Variants in ARHGEF26 observed in about 807,000 individuals in gnomAD.
ARHGEF26 encodes the protein Rho guanine nucleotide exchange factor (GEF) 26.
In ARHGEF26, 59 loss-of-function variants were observed where a neutral mutation model predicts 89.4. The ratio of observed to expected loss-of-function variants is 0.66; its 90% CI spans 0.54 to 0.82. The LOEUF is 0.82. Ranked by LOEUF, ARHGEF26 falls within the 40% of genes least tolerant of loss-of-function variation. The pLI is 0.00. For missense variants in ARHGEF26, 1,234 were observed against 1,085.6 expected (o/e 1.14, Z -1.92); for synonymous variants, 500 against 428.4 (o/e 1.17, Z -2.06).
intron 9 of ARHGEF26, among the ~76,000 whole-genome samples, chr3:154,213,842 G>A (rs1225480755): frequency 6.6e-6 from 1 of 152,130 alleles, no homozygotes; most frequent in Non-Finnish European, 1.5e-5. Flanking sequence ...AATAGGCTCT[G>A]AAGGTGGTTT....
At chr3:154,170,316 T>C (rs921366727) in intron 6 of ARHGEF26, among the ~76,000 whole-genome samples, 3 of 152,138 alleles carry the variant, frequency 2.0e-5, no homozygotes, top group Admixed American at 6.5e-5. Flanking sequence ...TGAGCTATGA[T>C]TGTGCCACTG....
chr3:154,257,644 G>C lies in ARHGEF26; in HGVS notation c.*2171G>C, dbSNP rs1283744910. ...TTTAACACATTCACAGTGTTTGTTTGATTTCAACTGTGAATTGTCTTAAGT... is the reference window on the plus strand; with the variant it reads ...TTTAACACATTCACAGTGTTTGTTTCATTTCAACTGTGAATTGTCTTAAGT... On this transcript the variant is annotated 3_prime_UTR_variant, in exon 15 of 15. Transcript: ENST00000465093. The C allele has an allele frequency of 7.9e-6, 1 of 126,842 alleles. No individual in the cohort carries two copies. Among genetic ancestry groups the C allele is most frequent in the Admixed American group, 8.7e-5 (1 of 11,560 alleles). 7.9% of individuals were successfully genotyped at this position (126,842 alleles called of 1,614,324 possible).
At position 154,146,697 on chromosome 3, in the gene ARHGEF26, T is replaced by C. The variant is rs1467392737; in HGVS notation, c.1270-2692T>C. Among the ~76,000 whole-genome samples, 24 of 152,354 alleles carry C rather than the reference T, an allele frequency of 1.6e-4. 1 individual carries two copies. The highest frequency in any genetic ancestry group is 1.6e-3 in the Admixed American group (24 of 15,312). ...TTATAACATTAGCAAGTTCTATGCA[T>C]TCACTATCTTAATAAGGCACAGATG... On this transcript the variant is annotated intron_variant, in intron 4 of 14. Coordinates refer to ENST00000465093, the MANE Select transcript of ARHGEF26 (RefSeq NM_015595.4).
intron 12 of ARHGEF26, among the ~76,000 whole-genome samples, chr3:154,248,250 A>C (rs1453594075): frequency 3.9e-5 from 6 of 152,224 alleles, no homozygotes; most frequent in African/African-American, 1.4e-4. Flanking sequence ...AGCTAGAAGC[A>C]TAATGAATGT....
At chr3:154,252,598 A>G (rs896358525) in intron 12 of ARHGEF26, among the ~76,000 whole-genome samples, 2 of 152,236 alleles carry the variant, frequency 1.3e-5, no homozygotes, top group African/African-American at 4.8e-5. Context: ...AAAGTGGCCA[A>G]AGAATTTCTA....
chr3:154,192,880 A>G (rs929975317), intron 8 of ARHGEF26, among the ~76,000 whole-genome samples: 6 of 152,226 alleles, frequency 3.9e-5, no homozygotes, highest in Non-Finnish European at 4.4e-5. Flanking sequence ...CATTTTAAAC[A>G]TGTTTTCCAG....
intron 1 of ARHGEF26, 29 bp from the exon 2 acceptor site, chr3:154,121,913 C>A: frequency 1.3e-6 from 2 of 1,501,284 alleles, no homozygotes; most frequent in African/African-American, 2.8e-5. Flanking sequence ...TGTCCAGAGG[C>A]ACAGTTTCCT....
chr3:154,165,278 T>G (rs1158138122), intron 6 of ARHGEF26, among the ~76,000 whole-genome samples: 1 of 152,146 alleles, frequency 6.6e-6, no homozygotes, highest in Non-Finnish European at 1.5e-5. Flanking sequence ...CTTTTGTGAT[T>G]GTAATATAAT....
chr3:154,150,836 A>G (rs898739105), intron 5 of ARHGEF26, among the ~76,000 whole-genome samples: 5 of 152,156 alleles, frequency 3.3e-5, no homozygotes, highest in Non-Finnish European at 5.9e-5. Flanking sequence ...TTCTATTCCT[A>G]TATAGCAATT....
At chr3:154,183,308 G>A (rs1713297612) in intron 6 of ARHGEF26, among the ~76,000 whole-genome samples, 1 of 152,102 alleles carries the variant, frequency 6.6e-6, no homozygotes, top group African/African-American at 2.4e-5. Context: ...GGAAAAAAAA[G>A]ATAAAGGTTG....
chr3:154,217,841 A>T, intron 9 of ARHGEF26, 28 bp from the exon 10 acceptor site: 1 of 1,554,004 alleles, frequency 6.4e-7, no homozygotes, highest in South Asian at 1.2e-5. Context: ...CTTGACCTTT[A>T]ACCCTCGTTA....
chr3:154,152,711 A>AGC, intron 5 of ARHGEF26, 61 bp from the exon 6 acceptor site: 3 of 1,242,024 alleles, frequency 2.4e-6, no homozygotes, highest in Non-Finnish European at 3.2e-6. Flanking sequence ...AAATTATGAG[A>AGC]GCTATATTTA....
In ARHGEF26 at chr3:154,236,964, G is replaced by A. The variant is rs183122671; in HGVS notation, c.2091-3406G>A. On this transcript the variant is annotated intron_variant, in intron 11 of 14. Coordinates refer to ENST00000465093, the MANE Select transcript of ARHGEF26 (RefSeq NM_015595.4). ...TTTGTTTTGGACCCAGAAGTCCAGT[G>A]GGCCAAGTTCCTTGTTCAGGCATAT... Among the ~76,000 whole-genome samples the A allele has an allele frequency of 2.4e-3, 368 of 152,270 alleles. 2 individuals are homozygous for A. Among genetic ancestry groups the A allele is most frequent in the Non-Finnish European group, 4.1e-3 (279 of 68,026 alleles).
At chr3:154,243,454 G>A (rs1717596623) in intron 12 of ARHGEF26, among the ~76,000 whole-genome samples, 1 of 152,192 alleles carries the variant, frequency 6.6e-6, no homozygotes, top group Non-Finnish European at 1.5e-5. Flanking sequence ...AGAGTAGGAG[G>A]TGAACTGACA....
chr3:154,185,772 T>A (rs2108172509), intron 6 of ARHGEF26, among the ~76,000 whole-genome samples: 1 of 152,312 alleles, frequency 6.6e-6, no homozygotes, highest in African/African-American at 2.4e-5. Flanking sequence ...AGCTCTGCAA[T>A]CATGCCTTGG....
intron 6 of ARHGEF26, among the ~76,000 whole-genome samples, chr3:154,164,958 T>C (rs1711917008): frequency 6.6e-6 from 1 of 152,184 alleles, no homozygotes; most frequent in Non-Finnish European, 1.5e-5. Context: ...AGTTATGAAA[T>C]TATTCTCTTG....
chr3:154,256,966 C>CCTCT lies in ARHGEF26; in HGVS notation c.*1496_*1499dup. 6.5e-7 allele frequency: 1 copy of CCTCT among 1,527,642 alleles called. No individual in the cohort carries two copies. 94.6% of individuals were successfully genotyped at this position (1,527,642 alleles called of 1,614,324 possible). On this transcript the variant is annotated 3_prime_UTR_variant, in exon 15 of 15. Transcript: ENST00000465093. ...ATGATTTTTACTGGCAGCTATATTCCCTCTCTGTTCTATTTGCTTTAACAA... is the reference window on the plus strand; with the variant it reads ...ATGATTTTTACTGGCAGCTATATTCCCTCTCTCTCTGTTCTATTTGCTTTAACAA...
At position 154,122,562 on chromosome 3, in the gene ARHGEF26, G is replaced by A. The variant is rs1198532449; in HGVS notation, c.570G>A (p.Gln190=). Residue 190 remains glutamine, a synonymous_variant, in exon 2 of 15, where the codon CAG becomes CAA. Transcript: ENST00000465093. The part of the protein sequence containing the change: ...ANNDSPGSGS[Q]SGRKAKDPER... ...ACGACTCTCCTGGGTCAGGTTCGCA[G>A]TCCGGCCGGAAGGCAAAGGACCCCG... The A allele has an allele frequency of 6.2e-7, 1 of 1,613,626 alleles. No homozygotes were observed. Among genetic ancestry groups the A allele is most frequent in the Non-Finnish European group, 8.5e-7 (1 of 1,179,906 alleles).
intron 6 of ARHGEF26, among the ~76,000 whole-genome samples, chr3:154,182,665 G>A (rs142610974): frequency 1.5e-4 from 23 of 152,266 alleles, no homozygotes; most frequent in Non-Finnish European, 2.5e-4. Flanking sequence ...TCTTCTTGCT[G>A]GATGTCTTAG....
Sources: gnomAD v4.1 joint callset for allele counts (sites outside exome capture counted in the v4.1 genomes callset) on GRCh38, gnomAD v4.1.1 for gene constraint, MANE v1.5 for transcripts, NCBI Gene and HGNC (gene_info 2026-07-23, HGNC 2026-07-21) for gene names.